The following NTRK3 variants were observed in gnomAD, a reference collection of about 807,000 sequenced individuals.
NTRK3 encodes neurotrophic receptor tyrosine kinase 3, also known as NT-3 growth factor receptor.
A neutral mutation model predicts 91.7 loss-of-function variants in NTRK3; 24 were observed. The ratio of observed to expected loss-of-function variants is 0.26; its 90% CI spans 0.19 to 0.37. The LOEUF is 0.37. Ranked by LOEUF, NTRK3 falls within the 10% of genes least tolerant of loss-of-function variation. NTRK3 has a pLI of 1.00. For missense variants in NTRK3, 880 were observed against 1,068.9 expected (o/e 0.82, Z 2.46); for synonymous variants, 483 against 404.0 (o/e 1.20, Z -2.34).
intron 14 of NTRK3, among the ~76,000 whole-genome samples, chr15:88,024,628 C>T (rs919479481): frequency 6.6e-6 from 1 of 152,234 alleles, no homozygotes. Context: ...GGTGACCAGC[C>T]AGGAGCAGCT....
intron 14 of NTRK3, chr15:87,977,596 A>G (rs1025917232): frequency 1.7e-5 from 4 of 231,476 alleles, no homozygotes; most frequent in Admixed American, 1.1e-4. Flanking sequence ...GAGGCCCTGG[A>G]CCCAAAGCAT....
chr15:88,168,282 C>A (rs974808563), intron 5 of NTRK3, among the ~76,000 whole-genome samples: 1 of 151,972 alleles, frequency 6.6e-6, no homozygotes, highest in African/African-American at 2.4e-5. Flanking sequence ...TTCCTAGTCA[C>A]TGCTAGGGGG....
intron 13 of NTRK3, among the ~76,000 whole-genome samples, chr15:88,093,394 G>A (rs1037156488): frequency 2.6e-5 from 4 of 152,126 alleles, no homozygotes; most frequent in Non-Finnish European, 5.9e-5. Context: ...GCAGGAAGGG[G>A]AGGATTTGAA....
chr15:88,133,540 G>A (rs1428071303), intron 10 of NTRK3, among the ~76,000 whole-genome samples: 2 of 152,170 alleles, frequency 1.3e-5, no homozygotes, highest in African/African-American at 2.4e-5. Flanking sequence ...CCTCAACAAT[G>A]TATAGACTTT....
At chr15:87,924,033 A>G (rs2068091113) in intron 17 of NTRK3, among the ~76,000 whole-genome samples, 1 of 152,210 alleles carries the variant, frequency 6.6e-6, no homozygotes, top group Non-Finnish European at 1.5e-5. Context: ...CTGTTGTAGC[A>G]ACACAGAACA....
intron 17 of NTRK3, among the ~76,000 whole-genome samples, chr15:87,900,952 C>T (rs761934186): frequency 8.5e-5 from 13 of 152,148 alleles, no homozygotes; most frequent in Non-Finnish European, 1.9e-4. Flanking sequence ...GGATGCCCCT[C>T]CTGGCCCTGT....
chr15:88,105,601 A>T (rs775180189), intron 13 of NTRK3, among the ~76,000 whole-genome samples: 1 of 152,178 alleles, frequency 6.6e-6, no homozygotes, highest in African/African-American at 2.4e-5. Flanking sequence ...CAGCAGGGCT[A>T]TATCTTTTCC....
At chr15:88,183,442 G>A in exon 5 of NTRK3, 3 of 1,614,088 alleles carry the variant, frequency 1.9e-6, no homozygotes, top group Non-Finnish European at 2.5e-6. Context: ...GGGGTTCTTG[G>A]CAAAGGCTCT....
intron 13 of NTRK3, among the ~76,000 whole-genome samples, chr15:88,086,145 A>G (rs1308864932): frequency 6.6e-6 from 1 of 152,206 alleles, no homozygotes; most frequent in Non-Finnish European, 1.5e-5. Flanking sequence ...GGACTCTGCC[A>G]AGAAACCACA....
intron 6 of NTRK3, among the ~76,000 whole-genome samples, chr15:88,139,839 T>A (rs1420240712): frequency 1.5e-5 from 2 of 137,422 alleles, no homozygotes; most frequent in Non-Finnish European, 3.0e-5. Context: ...AAGGCATTGC[T>A]GGGTGCAAGA....
At chr15:88,027,211 T>C (rs1484420718) in intron 14 of NTRK3, among the ~76,000 whole-genome samples, 5 of 152,100 alleles carry the variant, frequency 3.3e-5, no homozygotes, top group Non-Finnish European at 7.4e-5. Context: ...ACAAGTAGCT[T>C]AAGCTCTCTG....
At chr15:87,974,326 A>C (rs979866784) in intron 14 of NTRK3, among the ~76,000 whole-genome samples, 1 of 152,192 alleles carries the variant, frequency 6.6e-6, no homozygotes, top group Non-Finnish European at 1.5e-5. Context: ...TGGTCTTTTT[A>C]GGGTGAGCAT....
At chr15:88,227,685 G>A (rs1452263988) in intron 3 of NTRK3, among the ~76,000 whole-genome samples, 2 of 152,070 alleles carry the variant, frequency 1.3e-5, no homozygotes, top group Non-Finnish European at 2.9e-5. Context: ...GTGGGACTTC[G>A]TTATGGCAGC....
rs1032963057 is a variant in NTRK3, at chr15:88,255,153, G to A, written c.248+753C>T. On this transcript the variant is annotated intron_variant, in intron 3 of 18. Transcript: ENST00000394480. The surrounding 1 kb of genome is among the most constrained non-coding windows in gnomAD (Gnocchi z 4.3). ...AACACACGCCCTCTCCTCTCCCTGC[G>A]CCATCCTGACTCGGAATAGTTCCGA... is the stretch of plus-strand genomic sequence containing the variant. 1.1e-4 allele frequency among the ~76,000 whole-genome samples: 17 copies of A among 152,074 alleles called. No individual in the cohort carries two copies. Among genetic ancestry groups the A allele is most frequent in the African/African-American group, 4.1e-4 (17 of 41,392 alleles).
chr15:87,909,916 C>G (rs2066989191), intron 17 of NTRK3, among the ~76,000 whole-genome samples: 1 of 152,202 alleles, frequency 6.6e-6, no homozygotes, highest in Admixed American at 6.5e-5. Context: ...GAACTTCCAG[C>G]CTCCAGAGCA....
chr15:88,140,216 A>G (rs1200617707), intron 6 of NTRK3, among the ~76,000 whole-genome samples: 2 of 152,232 alleles, frequency 1.3e-5, no homozygotes, highest in African/African-American at 2.4e-5. Flanking sequence ...ACAATAGTGT[A>G]TAGGATAAGC....
intron 14 of NTRK3, among the ~76,000 whole-genome samples, chr15:87,946,015 A>T (rs1398694627): frequency 6.6e-6 from 1 of 152,226 alleles, no homozygotes; most frequent in Non-Finnish European, 1.5e-5. Context: ...GACATTTAAC[A>T]GATGTTTTTC....
At chr15:87,945,240 T>G (rs1361306317) in intron 14 of NTRK3, among the ~76,000 whole-genome samples, 1 of 152,252 alleles carries the variant, frequency 6.6e-6, no homozygotes, top group Non-Finnish European at 1.5e-5. Context: ...GGCTTTTCCC[T>G]AATTCCTTTT....
exon 19 of NTRK3, chr15:87,873,854 G>A (rs971523045): frequency 4.3e-6 from 1 of 231,688 alleles, no homozygotes; most frequent in Non-Finnish European, 8.5e-6. Context: ...CAAAGAAGGA[G>A]AGGAGTGTCT....
Sources: gnomAD v4.1 joint callset for allele counts (sites outside exome capture counted in the v4.1 genomes callset) on GRCh38, gnomAD v4.1.1 for gene constraint, Gnocchi (gnomAD v3.1) non-coding constraint, MANE v1.5 for transcripts, NCBI Gene and HGNC (gene_info 2026-07-23, HGNC 2026-07-21) for gene names.